The following ARHGAP32 variants were observed in gnomAD, a reference collection of about 807,000 sequenced individuals.
The protein encoded by ARHGAP32 is Rho GTPase activating protein 32.
In ARHGAP32, 51 loss-of-function variants were observed where a neutral mutation model predicts 186.5. The ratio of observed to expected loss-of-function variants is 0.27; its 90% CI spans 0.22 to 0.35. The LOEUF (loss-of-function observed/expected upper bound fraction) is 0.35, where lower values mean the gene tolerates loss of function less well. Among genes scored for constraint, ARHGAP32 ranks in the 10% least tolerant of loss-of-function variants. ARHGAP32 has a pLI of 1.00. For synonymous variants in ARHGAP32, 950 were observed against 964.3 expected (o/e 0.99, Z 0.27); for missense variants, 2,186 against 2,623.5 (o/e 0.83, Z 3.64).
chr11:129,002,479 A>G (rs1432803680), intron 11 of ARHGAP32, among the ~76,000 whole-genome samples: 1 of 152,160 alleles, frequency 6.6e-6, no homozygotes, highest in African/African-American at 2.4e-5. Context: ...TATCAGTTCA[A>G]ATAGTTTTTT....
intron 11 of ARHGAP32, among the ~76,000 whole-genome samples, chr11:129,006,077 C>G (rs1468929178): frequency 6.6e-6 from 1 of 152,136 alleles, no homozygotes; most frequent in African/African-American, 2.4e-5. Context: ...TTGCTAGAGT[C>G]TTCTTAATTA....
At chr11:129,233,316 C>T (rs1324584284) in intron 1 of ARHGAP32, among the ~76,000 whole-genome samples, 1 of 152,024 alleles carries the variant, frequency 6.6e-6, no homozygotes, top group African/African-American at 2.4e-5. Flanking sequence ...GTGGGGGGTA[C>T]ATAGGAGTTT....
chr11:129,095,576 G>T (rs1830478096), intron 5 of ARHGAP32, among the ~76,000 whole-genome samples: 1 of 152,174 alleles, frequency 6.6e-6, no homozygotes, highest in African/African-American at 2.4e-5. Flanking sequence ...TCCCTTGACT[G>T]GGAGCAGGGC....
chr11:129,064,690 T>G (rs1468590442), intron 8 of ARHGAP32, 151 bp downstream of exon 8: 5 of 566,228 alleles, frequency 8.8e-6, no homozygotes, highest in Admixed American at 3.2e-5. Flanking sequence ...AAATATTTCG[T>G]GTATCACGTA....
intron 1 of ARHGAP32, among the ~76,000 whole-genome samples, chr11:129,243,298 C>A (rs1382300717): frequency 2.0e-5 from 3 of 152,186 alleles, no homozygotes; most frequent in Non-Finnish European, 4.4e-5. Context: ...TGTCATCCAA[C>A]TTCTGTAATT....
At chr11:129,271,394 G>A (rs71481854) in intron 1 of ARHGAP32, among the ~76,000 whole-genome samples, 30,844 of 152,034 alleles carry the variant, frequency 0.2, 3,279 homozygotes, top group East Asian at 0.24. Flanking sequence ...GGAAGAATCC[G>A]GGGTTCTGGC....
chr11:129,146,463 C>T (rs902060300), intron 2 of ARHGAP32, among the ~76,000 whole-genome samples: 1 of 152,148 alleles, frequency 6.6e-6, no homozygotes, highest in Non-Finnish European at 1.5e-5. Flanking sequence ...ATACAGGGTT[C>T]AGTACTCTCC....
At chr11:129,017,745 C>G (rs1441298953) in intron 11 of ARHGAP32, among the ~76,000 whole-genome samples, 3 of 152,036 alleles carry the variant, frequency 2.0e-5, no homozygotes. Flanking sequence ...CTTCACTGGA[C>G]CTCCAATAAA....
chr11:129,236,221 C>G (rs976319426), intron 1 of ARHGAP32, among the ~76,000 whole-genome samples: 2 of 152,098 alleles, frequency 1.3e-5, no homozygotes, highest in Non-Finnish European at 2.9e-5. Context: ...ACTGCATCCA[C>G]GTCAACATCT....
At chr11:129,130,764 T>C (rs1442078182) in intron 2 of ARHGAP32, among the ~76,000 whole-genome samples, 2 of 152,162 alleles carry the variant, frequency 1.3e-5, no homozygotes, top group African/African-American at 4.8e-5. Flanking sequence ...AGCATAGCCA[T>C]TTGGGAAATT....
At chr11:129,221,889 G>A (rs1314262558) in intron 1 of ARHGAP32, among the ~76,000 whole-genome samples, 4 of 152,082 alleles carry the variant, frequency 2.6e-5, no homozygotes, top group Non-Finnish European at 5.9e-5. Flanking sequence ...CCTCCTGGAC[G>A]TACCCACAGT....
intron 1 of ARHGAP32, among the ~76,000 whole-genome samples, chr11:129,228,566 A>T (rs538601943): frequency 6.6e-6 from 1 of 152,202 alleles, no homozygotes; most frequent in Non-Finnish European, 1.5e-5. Context: ...AGGGACATAG[A>T]TGGAGCTGGA....
Position 129,029,060 on chromosome 11 carries a change from T to A in ARHGAP32, c.1045+11868A>T, listed in dbSNP as rs7936496. On this transcript the variant is annotated intron_variant, in intron 11 of 22. Coordinates refer to ENST00000682385, the MANE Select transcript of ARHGAP32 (RefSeq NM_001378024.1). ...GTGAAGAAAAATTAAAAGATTTTTT[T>A]AAATTAAAGTGGCATTAGGAAGGGA... is the stretch of plus-strand genomic sequence containing the variant. Among the ~76,000 whole-genome samples, 7 of 152,332 alleles carry A rather than the reference T, an allele frequency of 4.6e-5. No homozygotes were observed. The South Asian group carries it at 1.2e-3, about 27-fold the overall frequency.
At chr11:129,259,334 G>A (rs967510699) in intron 1 of ARHGAP32, among the ~76,000 whole-genome samples, 2 of 151,920 alleles carry the variant, frequency 1.3e-5, no homozygotes, top group African/African-American at 4.8e-5. Flanking sequence ...GCAAATAAGA[G>A]AACTATATAC....
intron 1 of ARHGAP32, among the ~76,000 whole-genome samples, chr11:129,189,495 T>A (rs1944233609): frequency 6.6e-6 from 1 of 152,234 alleles, no homozygotes; most frequent in Non-Finnish European, 1.5e-5. Context: ...TGTTTTTCCT[T>A]TTCTGCCTTA....
intron 6 of ARHGAP32, among the ~76,000 whole-genome samples, chr11:129,068,121 G>A (rs566198359): frequency 1.4e-4 from 21 of 152,120 alleles, no homozygotes; most frequent in East Asian, 1.3e-3. Context: ...TAGTTCTGAC[G>A]ATCAGCCTGA....
rs1254796872 is a variant in ARHGAP32 at position 128,965,959 on chromosome 11, T to C, written c.*2948A>G. The C allele has an allele frequency of 6.6e-6, 1 of 152,226 alleles. No individual in the cohort carries two copies. The highest frequency in any genetic ancestry group is 1.9e-4 in the East Asian group (1 of 5,196). The allele number at this position is 152,226 out of a possible 1,614,324, so 9.4% of individuals were successfully genotyped here. The stretch of plus-strand genomic sequence containing the variant: ...TAAATTTTAAAAAATGCTTTGCCAT[T>C]GTAAGAAATGTGCAGGCCCTAGTCG... On this transcript the variant is annotated 3_prime_UTR_variant, in exon 23 of 23. Coordinates refer to ENST00000682385, the MANE Select transcript of ARHGAP32 (RefSeq NM_001378024.1).
intron 2 of ARHGAP32, among the ~76,000 whole-genome samples, chr11:129,157,528 G>GA (rs1403732152): frequency 6.6e-6 from 1 of 151,886 alleles, no homozygotes; most frequent in East Asian, 1.9e-4. Flanking sequence ...CAAGATTAGA[G>GA]AAAAAAGAAT....
chr11:129,181,442 T>A (rs1944052072), intron 1 of ARHGAP32, among the ~76,000 whole-genome samples: 3 of 152,156 alleles, frequency 2.0e-5, no homozygotes, highest in Admixed American at 2.0e-4. Context: ...AATCTGAGAC[T>A]ACCAGCGTTC....
Sources: gnomAD v4.1 joint callset for allele counts (sites outside exome capture counted in the v4.1 genomes callset) on GRCh38, gnomAD v4.1.1 for gene constraint, MANE v1.5 for transcripts, NCBI Gene and HGNC (gene_info 2026-07-23, HGNC 2026-07-21) for gene names.